The following ANKRD18B variants were observed in gnomAD, a reference collection of about 807,000 sequenced individuals.
The protein encoded by ANKRD18B is ankyrin repeat domain-containing protein 18B.
In ANKRD18B, 75 loss-of-function variants were observed where a neutral mutation model predicts 111.8. The ratio of observed to expected loss-of-function variants is 0.67; its 90% confidence interval spans 0.56 to 0.81. ANKRD18B has a LOEUF of 0.81. Among genes scored for constraint, ANKRD18B ranks in the 40% least tolerant of loss-of-function variants. The pLI, the probability that ANKRD18B is intolerant of heterozygous loss-of-function variation, is 0.00. For missense variants in ANKRD18B, 1,038 were observed against 1,225.5 expected (o/e 0.85, Z 2.28); for synonymous variants, 356 against 417.3 (o/e 0.85, Z 1.79).
At chr9:33,563,417 G>T (rs1218591046) in intron 14 of ANKRD18B, among the ~76,000 whole-genome samples, 1 of 152,166 alleles carries the variant, frequency 6.6e-6, no homozygotes, top group African/African-American at 2.4e-5. Context: ...GCTGGCCATT[G>T]GCTGGAACCT....
intron 13 of ANKRD18B, among the ~76,000 whole-genome samples, chr9:33,556,088 T>C (rs369333565): frequency 6.6e-6 from 1 of 152,058 alleles, no homozygotes; most frequent in Admixed American, 6.6e-5. Context: ...AATAGATCTC[T>C]GGATGAGACC....
chr9:33,525,029 C>T (rs1221867378), intron 1 of ANKRD18B, among the ~76,000 whole-genome samples: 2 of 152,210 alleles, frequency 1.3e-5, no homozygotes, highest in African/African-American at 2.4e-5. Context: ...GTCGGTTTTA[C>T]ATCCAAATCC....
At position 33,524,483 on chromosome 9, in the gene ANKRD18B, C is replaced by A. The variant is rs541373523; in HGVS notation, c.-7C>A. ...AGCGGGTGGTGGGCATCTGAGAAGTCGCCACCATGAGGAAGCTCCTCAGTT... is the reference window on the plus strand; with the variant it reads ...AGCGGGTGGTGGGCATCTGAGAAGTAGCCACCATGAGGAAGCTCCTCAGTT... On this transcript the variant is annotated 5_prime_UTR_variant, in exon 1 of 19. Transcript: ENST00000684830. 6.5e-7 allele frequency: 1 copy of A among 1,541,930 alleles called. No individual in the cohort carries two copies. Among genetic ancestry groups the A allele is most frequent in the East Asian group, 2.5e-5 (1 of 40,378 alleles).
At chr9:33,536,553 G>A (rs1222732935) in intron 5 of ANKRD18B, among the ~76,000 whole-genome samples, 1 of 152,236 alleles carries the variant, frequency 6.6e-6, no homozygotes, top group Non-Finnish European at 1.5e-5. Flanking sequence ...TGGAGGCTAA[G>A]AGAAGCAACT....
At chr9:33,574,008 G>T (rs552485882), downstream of ANKRD18B, among the ~76,000 whole-genome samples, 6 of 144,344 alleles carry the variant, frequency 4.2e-5, no homozygotes, top group African/African-American at 1.2e-4. Flanking sequence ...TATATTAGGG[G>T]TCTGGTCAGT....
At chr9:33,533,292 A>T in intron 3 of ANKRD18B, 147 bp from the exon 4 acceptor site, 1 of 1,420,540 alleles carries the variant, frequency 7.0e-7, no homozygotes, top group Non-Finnish European at 9.2e-7. Flanking sequence ...GTGGGAAAGC[A>T]CAGAGGAGTG....
chr9:33,528,725 A>C lies in ANKRD18B; in HGVS notation c.207-2A>C. ...TCCTGAAAACCCCTCTCGCTCTCCTAGGACTGTTCTACATTTGGCCTGTGC... is the reference window on the plus strand; with the variant it reads ...TCCTGAAAACCCCTCTCGCTCTCCTCGGACTGTTCTACATTTGGCCTGTGC... On this transcript the variant is annotated splice_acceptor_variant, in intron 1 of 18. Transcript: ENST00000684830. LOFTEE classifies it high-confidence loss of function. The C allele has an allele frequency of 6.2e-7, 1 of 1,607,184 alleles. No homozygotes were observed. The highest frequency in any genetic ancestry group is 8.5e-7 in the Non-Finnish European group (1 of 1,176,948).
rs1828259202 is a variant in ANKRD18B, at chr9:33,540,225, T to G, written c.997+13T>G. On this transcript the variant is annotated intron_variant, in intron 8 of 18. Transcript: ENST00000684830. ...CGACCATGCCCAGGTAATTTTTGTATTTTTAGTAGAGACAGGGTTTCACCA... is the reference window on the plus strand; with the variant it reads ...CGACCATGCCCAGGTAATTTTTGTAGTTTTAGTAGAGACAGGGTTTCACCA... 1 of 151,622 alleles carries G rather than the reference T, an allele frequency of 6.6e-6. No individual in the cohort carries two copies. The highest frequency in any genetic ancestry group is 1.5e-5 in the Non-Finnish European group (1 of 67,878). 9.4% of individuals were successfully genotyped at this position (151,622 alleles called of 1,614,324 possible).
Position 33,550,442 on chromosome 9 carries a change from G to T in ANKRD18B, c.2080G>T (p.Glu694Ter). ...AATATTTTGTCAGGTGATTGTGAGA[G>T]AATTTCAAGAAGAACTGGTCGATCA... ...EKAEREVIVR[E>*]FQEELVDHLK... The change falls in exon 12 of 19, where the codon GAA (glutamate) becomes TAA (stop). Residue 694 changes from glutamate to a stop codon, truncating the protein, a stop_gained. Coordinates refer to ENST00000684830, the MANE Select transcript of ANKRD18B (RefSeq NM_001393611.1). LOFTEE classifies it high-confidence loss of function. 6.5e-7 allele frequency: 1 copy of T among 1,538,184 alleles called. No individual in the cohort carries two copies. The highest frequency in any genetic ancestry group is 8.8e-7 in the Non-Finnish European group (1 of 1,142,448).
chr9:33,549,159 T>C (rs1429311442), intron 11 of ANKRD18B, among the ~76,000 whole-genome samples: 1 of 152,210 alleles, frequency 6.6e-6, no homozygotes. Context: ...GTAAATTTAC[T>C]AAAAATCTTT....
rs1279145484 is a variant in ANKRD18B, at chr9:33,524,462, G to A, written c.-28G>A. The stretch of plus-strand genomic sequence containing the variant: ...GAGGAGCCGCGGCGTCTCAGGAGCG[G>A]GTGGTGGGCATCTGAGAAGTCGCCA... On this transcript the variant is annotated 5_prime_UTR_variant, in exon 1 of 19. Coordinates refer to ENST00000684830, the MANE Select transcript of ANKRD18B (RefSeq NM_001393611.1). 1 of 1,527,310 alleles carries A rather than the reference G, an allele frequency of 6.5e-7. No individual in the cohort carries two copies. The highest frequency in any genetic ancestry group is 2.1e-5 in the Admixed American group (1 of 47,354). 94.6% of individuals were successfully genotyped at this position (1,527,310 alleles called of 1,614,324 possible). A position where few individuals can be genotyped will look rare whatever the true frequency, so the allele number is the denominator to read the frequency against.
At chr9:33,531,032 G>A (rs979731340) in intron 3 of ANKRD18B, among the ~76,000 whole-genome samples, 3 of 152,024 alleles carry the variant, frequency 2.0e-5, no homozygotes, top group Non-Finnish European at 2.9e-5. Context: ...CAGTATGTCT[G>A]TTAAGGTTAT....
Position 33,529,074 on chromosome 9 carries a change from CT to C in ANKRD18B, c.397del (p.Tyr133ThrfsTer31). ...GCGCCAATCCAAACATTAAGGATATCTACGGCAACACTGCTCTCCATTATGC... is the reference window on the plus strand; with the variant it reads ...GCGCCAATCCAAACATTAAGGATATCACGGCAACACTGCTCTCCATTATGC... ...RGANPNIKDI[Y>X]GNTALHYAVY... On this transcript the variant is annotated frameshift_variant, in exon 3 of 19. Coordinates refer to ENST00000684830, the MANE Select transcript of ANKRD18B (RefSeq NM_001393611.1). LOFTEE classifies it high-confidence loss of function. 1 of 1,612,150 alleles carries C rather than the reference CT, an allele frequency of 6.2e-7. No homozygotes were observed. The highest frequency in any genetic ancestry group is 8.5e-7 in the Non-Finnish European group (1 of 1,179,856).
chr9:33,558,253 T>C (rs1156916024), intron 14 of ANKRD18B, 66 bp downstream of exon 14: 2 of 1,511,762 alleles, frequency 1.3e-6, no homozygotes, highest in Non-Finnish European at 1.8e-6. Context: ...ACAGGTTTGT[T>C]ACATAGGTAA....
chr9:33,566,082 G>A, intron 14 of ANKRD18B, 137 bp from the exon 15 acceptor site: 1 of 755,826 alleles, frequency 1.3e-6, no homozygotes. Flanking sequence ...TAATTTAAGG[G>A]TTCACATTTG....
At chr9:33,550,331 T>C (rs141700804) in intron 11 of ANKRD18B, 99 bp from the exon 12 acceptor site, 60,670 of 1,200,420 alleles carry the variant, frequency 0.051, 1,802 homozygotes, top group Non-Finnish European at 0.059. Flanking sequence ...AATCTGTGTG[T>C]GTGGTAATAA....
chr9:33,524,568 G>A lies in ANKRD18B; in HGVS notation c.79G>A (p.Gly27Arg), dbSNP rs1342808549. 1.3e-6 allele frequency: 2 copies of A among 1,551,512 alleles called. No homozygotes were observed. The highest frequency in any genetic ancestry group is 2.0e-5 in the Admixed American group (1 of 50,998). Reference sequence around the variant, plus strand: ...CATGGACCAAGAGTATGCGGGTCGGGGGTACCACATTCGGGACTGGGAACT... The same window carrying A: ...CATGGACCAAGAGTATGCGGGTCGGAGGTACCACATTCGGGACTGGGAACT... ...SSMDQEYAGR[G>R]YHIRDWELRK... The change falls in exon 1 of 19, where the codon GGG becomes AGG. Residue 27 changes from glycine (G) to arginine (R), a missense_variant. Transcript: ENST00000684830.
At chr9:33,524,976 G>A (rs1376684658) in intron 1 of ANKRD18B, among the ~76,000 whole-genome samples, 1 of 152,242 alleles carries the variant, frequency 6.6e-6, no homozygotes, top group Non-Finnish European at 1.5e-5. Context: ...AAAATACCAT[G>A]AGCCATTTTC....
At position 33,566,324 on chromosome 9, in the gene ANKRD18B, C is replaced by G; in HGVS notation, c.2566C>G (p.Gln856Glu). Residue 856 changes from glutamine (Q) to glutamate (E), a missense_variant, in exon 15 of 19, where the codon CAA becomes GAA. Around this residue, in one of 4 missense-constraint regions of ANKRD18B, gnomAD observed 524 missense variants for 677.9 expected, o/e 0.77. Transcript: ENST00000684830. ...HQELLSMGKV[Q>E]EKCEKLEKDK... ...GGAGTTATTATCTATGGGAAAAGTA[C>G]AAGAGAAATGTGAAAAACTTGAGAA... 1 of 1,563,410 alleles carries G rather than the reference C, an allele frequency of 6.4e-7. No individual in the cohort carries two copies. The highest frequency in any genetic ancestry group is 8.7e-7 in the Non-Finnish European group (1 of 1,151,452).
Sources: allele counts gnomAD v4.1 joint callset (sites outside exome capture counted in the v4.1 genomes callset), GRCh38; gene constraint gnomAD v4.1.1; regional missense constraint gnomAD v4.1.1; transcripts MANE v1.5; gene names NCBI Gene and HGNC (gene_info 2026-07-23, HGNC 2026-07-21).